Variants in R3HDM1 observed in about 807,000 individuals in gnomAD.
R3HDM1 encodes R3H domain containing 1.
R3HDM1 carries 46 observed loss-of-function variants against 141.1 expected under a neutral mutation model. The ratio of observed to expected loss-of-function variants is 0.33; its 90% CI spans 0.26 to 0.42. The LOEUF (loss-of-function observed/expected upper bound fraction) is 0.42. Among genes scored for constraint, R3HDM1 ranks in the 10% least tolerant of loss-of-function variants. R3HDM1 has a pLI of 1.00. For synonymous variants in R3HDM1, 435 were observed against 472.9 expected (o/e 0.92, Z 1.04); for missense variants, 1,184 against 1,368.3 (o/e 0.87, Z 2.12).
At chr2:135,719,515 T>C (rs191224464) in intron 24 of R3HDM1, among the ~76,000 whole-genome samples, 4 of 152,078 alleles carry the variant, frequency 2.6e-5, no homozygotes. Context: ...CCATTAGATA[T>C]AAATGTTTGT....
chr2:135,720,428 C>G (rs547331354), intron 24 of R3HDM1, among the ~76,000 whole-genome samples: 1 of 152,266 alleles, frequency 6.6e-6, no homozygotes, highest in Admixed American at 6.5e-5. Context: ...AACCCTCCTC[C>G]AAACACAAAA....
intron 18 of R3HDM1, among the ~76,000 whole-genome samples, chr2:135,659,661 C>T (rs2066433373): frequency 6.6e-6 from 1 of 152,148 alleles, no homozygotes; most frequent in Non-Finnish European, 1.5e-5. Context: ...AGATCTCAAA[C>T]TCCTGGGCTC....
intron 7 of R3HDM1, chr2:135,623,160 T>C (rs1462848782): frequency 1.3e-5 from 7 of 526,732 alleles, no homozygotes; most frequent in Non-Finnish European, 1.5e-5. Flanking sequence ...CCAAAGATTT[T>C]TGAGGTGTTT....
At chr2:135,535,260 G>A (rs766210847) in intron 1 of R3HDM1, among the ~76,000 whole-genome samples, 1 of 152,074 alleles carries the variant, frequency 6.6e-6, no homozygotes, top group Non-Finnish European at 1.5e-5. Context: ...CAGCACTTTC[G>A]GAGACCGAGG....
intron 19 of R3HDM1, among the ~76,000 whole-genome samples, chr2:135,668,110 T>C (rs1482478040): frequency 6.6e-6 from 1 of 152,248 alleles, no homozygotes; most frequent in Non-Finnish European, 1.5e-5. Context: ...AGTAAGGTTC[T>C]TATCTTTGAT....
At chr2:135,631,377 C>A in intron 7 of R3HDM1, among the ~76,000 whole-genome samples, 1 of 150,534 alleles carries the variant, frequency 6.6e-6, no homozygotes. Context: ...GATCAAAATA[C>A]ATTTAAGTTC....
At chr2:135,622,384 T>C in intron 6 of R3HDM1, 1 of 984,360 alleles carries the variant, frequency 1.0e-6, no homozygotes, top group Non-Finnish European at 1.2e-6. Flanking sequence ...TTAAAGAATT[T>C]AGAGGAAATT....
intron 23 of R3HDM1, among the ~76,000 whole-genome samples, chr2:135,710,534 A>G (rs925726230): frequency 6.6e-6 from 1 of 152,178 alleles, no homozygotes; most frequent in Non-Finnish European, 1.5e-5. Flanking sequence ...CATGCATCCC[A>G]GCTACTCAGG....
intron 1 of R3HDM1, among the ~76,000 whole-genome samples, chr2:135,555,245 C>T (rs1362152131): frequency 2.7e-5 from 4 of 148,672 alleles, no homozygotes; most frequent in African/African-American, 5.0e-5. Context: ...TGTAGTGAGC[C>T]GAGATCGAGC....
intron 7 of R3HDM1, among the ~76,000 whole-genome samples, chr2:135,624,656 G>A (rs1189075312): frequency 6.6e-6 from 1 of 152,180 alleles, no homozygotes; most frequent in Non-Finnish European, 1.5e-5. Flanking sequence ...ACTGACTATG[G>A]CATGCCAAGT....
intron 19 of R3HDM1, among the ~76,000 whole-genome samples, chr2:135,662,835 TG>T (rs902691716): frequency 3.3e-5 from 5 of 152,216 alleles, no homozygotes; most frequent in African/African-American, 1.2e-4. Flanking sequence ...ATTTTCATAT[TG>T]TTTTTTCTTG....
intron 1 of R3HDM1, among the ~76,000 whole-genome samples, chr2:135,552,476 A>G (rs988218785): frequency 6.6e-6 from 1 of 152,162 alleles, no homozygotes; most frequent in African/African-American, 2.4e-5. Context: ...GATTACAGGC[A>G]TGAGCCACCA....
intron 21 of R3HDM1, among the ~76,000 whole-genome samples, chr2:135,700,467 TTAAG>T (rs530992029): frequency 6.4e-4 from 98 of 152,334 alleles, no homozygotes; most frequent in African/African-American, 2.3e-3. Context: ...CACATGTCTA[TTAAG>T]TAATATTATT....
chr2:135,684,306 G>T (rs767485152), intron 21 of R3HDM1, among the ~76,000 whole-genome samples: 2 of 152,080 alleles, frequency 1.3e-5, no homozygotes, highest in Admixed American at 1.3e-4. Flanking sequence ...AGCCAGGATG[G>T]TCTCAATCTC....
rs750258104 is a variant in R3HDM1 at position 135,639,180 on chromosome 2, C to T, written c.1219+58C>T. ...GTCATTAGTTTTCCTAATGTTGTCT[C>T]AGGTCCTTATTTATCAGATGGCTTC... is the stretch of plus-strand genomic sequence containing the variant. On this transcript the variant is annotated intron_variant, in intron 14 of 26. Transcript: ENST00000683871. 6 of 1,518,614 alleles carry T rather than the reference C, an allele frequency of 4.0e-6. No homozygotes were observed. In the South Asian group the frequency reaches 5.8e-5, roughly 15 times the overall value. 94.1% of individuals were successfully genotyped at this position (1,518,614 alleles called of 1,614,324 possible). A position where few individuals can be genotyped will look rare whatever the true frequency, so the allele number is the denominator to read the frequency against.
intron 1 of R3HDM1, among the ~76,000 whole-genome samples, chr2:135,571,623 G>A (rs1704133086): frequency 6.7e-6 from 1 of 150,150 alleles, no homozygotes; most frequent in South Asian, 2.1e-4. Flanking sequence ...ACTGCACCCG[G>A]CCTAATTTTA....
intron 21 of R3HDM1, among the ~76,000 whole-genome samples, chr2:135,694,300 T>C (rs1055317034): frequency 6.6e-6 from 1 of 152,200 alleles, no homozygotes; most frequent in Non-Finnish European, 1.5e-5. Context: ...AGAAGAGGTA[T>C]GTGTTGGAAG....
chr2:135,645,966 A>G (rs2064352150), intron 16 of R3HDM1, among the ~76,000 whole-genome samples: 1 of 152,140 alleles, frequency 6.6e-6, no homozygotes, highest in Admixed American at 6.5e-5. Flanking sequence ...ATGAAAGACA[A>G]AGCAGTTCTG....
chr2:135,620,451 A>G (rs2061424964), intron 5 of R3HDM1: 1 of 948,500 alleles, frequency 1.1e-6, no homozygotes, highest in African/African-American at 1.8e-5. Context: ...GAGTGCAAAA[A>G]GCAAGTGTTT....
Sources: gnomAD v4.1 joint callset for allele counts (sites outside exome capture counted in the v4.1 genomes callset) on GRCh38, gnomAD v4.1.1 for gene constraint, MANE v1.5 for transcripts, NCBI Gene and HGNC (gene_info 2026-07-23, HGNC 2026-07-21) for gene names.